Variants in SLC7A6 observed in about 807,000 individuals in gnomAD.
The protein encoded by SLC7A6 is solute carrier family 7 member 6.
A neutral mutation model predicts 46.6 loss-of-function variants in SLC7A6; 29 were observed. The observed-to-expected ratio is 0.62, with a 90% CI of 0.46 to 0.85. The LOEUF (loss-of-function observed/expected upper bound fraction) is 0.85, where lower values mean the gene tolerates loss of function less well. SLC7A6 is among the 40% of genes least tolerant of loss of function. The pLI is 0.00. For synonymous variants in SLC7A6, 276 were observed against 257.3 expected (o/e 1.07, Z -0.70); for missense variants, 527 against 647.6 (o/e 0.81, Z 2.02).
At chr16:68,275,291 G>T in intron 3 of SLC7A6, 42 bp downstream of exon 3, 1 of 1,567,376 alleles carries the variant, frequency 6.4e-7, no homozygotes, top group South Asian at 1.1e-5. Context: ...GGGGGTGGGG[G>T]GTACTATAAT....
At chr16:68,269,753 CAA>C (rs11306082) in intron 2 of SLC7A6, among the ~76,000 whole-genome samples, 227 of 141,686 alleles carry the variant, frequency 1.6e-3, no homozygotes, top group African/African-American at 1.7e-3. Flanking sequence ...GACTCTGTCT[CAA>C]AAAAAAAAAA....
intron 3 of SLC7A6, among the ~76,000 whole-genome samples, chr16:68,281,103 CCA>C (rs1381503175): frequency 3.3e-5 from 5 of 152,178 alleles, no homozygotes; most frequent in Admixed American, 6.5e-5. Flanking sequence ...TGTATTATCC[CCA>C]GACTTTCTTG....
chr16:68,287,903 G>A (rs1489825861), intron 4 of SLC7A6, 32 bp downstream of exon 4: 1 of 1,608,274 alleles, frequency 6.2e-7, no homozygotes, highest in Non-Finnish European at 8.5e-7. Flanking sequence ...ACCACCAACA[G>A]TTCCTCTGGA....
chr16:68,287,269 C>T (rs963847614), intron 3 of SLC7A6: 92 of 1,245,818 alleles, frequency 7.4e-5, no homozygotes, highest in East Asian at 3.9e-4. Context: ...TGAGCCACTG[C>T]ACCTGGCCTC....
rs371032855 is a variant in SLC7A6, at chr16:68,299,519, TC to T, written c.*2192del. ...CTCAAGCTTCATGGTGGAATTAATT[TC>T]TGCCAGCTCTTTGTTGTCTGTCTCC... On this transcript the variant is annotated 3_prime_UTR_variant, in exon 11 of 11. Coordinates refer to ENST00000219343, the MANE Select transcript of SLC7A6 (RefSeq NM_003983.6). 9 of 152,700 alleles carry T rather than the reference TC, an allele frequency of 5.9e-5. No individual in the cohort carries two copies. Among genetic ancestry groups the T allele is most frequent in the African/African-American group, 1.7e-4 (7 of 41,590 alleles). 9.5% of individuals were successfully genotyped at this position (152,700 alleles called of 1,614,324 possible).
intron 4 of SLC7A6, among the ~76,000 whole-genome samples, chr16:68,289,635 A>G (rs1024941036): frequency 2.0e-5 from 3 of 152,194 alleles, no homozygotes; most frequent in African/African-American, 7.2e-5. Flanking sequence ...GTCTTGTTAA[A>G]GACCCCAGTA....
In SLC7A6 at chr16:68,275,179, C is replaced by T; in HGVS notation, c.453C>T (p.Ile151=). The part of the protein sequence containing the change: ...AIIAITFANY[I]IQPSFPSCDP... The stretch of plus-strand genomic sequence containing the variant: ...TCGCCATCACCTTTGCCAACTACAT[C>T]ATCCAGCCGTCCTTCCCCAGCTGTG... The change falls in exon 3 of 11, where the codon ATC becomes ATT. Residue 151 remains isoleucine, a synonymous_variant. Transcript: ENST00000219343. The T allele has an allele frequency of 6.2e-7, 1 of 1,614,026 alleles. No homozygotes were observed. Among genetic ancestry groups the T allele is most frequent in the Middle Eastern group, 1.6e-4 (1 of 6,062 alleles).
At chr16:68,291,188 C>A in intron 5 of SLC7A6, 21 bp from the exon 6 acceptor site, 1 of 1,614,134 alleles carries the variant, frequency 6.2e-7, no homozygotes, top group Non-Finnish European at 8.5e-7. Flanking sequence ...CTAGGTAGTC[C>A]TTTCTCACTT....
rs1013356214 is a variant in SLC7A6, at chr16:68,293,844, T to C, written c.1023-861T>C. Among the ~76,000 whole-genome samples the C allele has an allele frequency of 5.3e-5, 8 of 152,238 alleles. No homozygotes were observed. In the South Asian group the frequency reaches 1.2e-3, roughly 24 times the overall value. ...CCTCAAGCCTAGCGAGTGAGTGTCG[T>C]GTACTCCAAGGTGATGCTGACCATG... On this transcript the variant is annotated intron_variant, in intron 7 of 10. Transcript: ENST00000219343.
At position 68,301,393 on chromosome 16, in the gene SLC7A6, T is replaced by C. The variant is rs1441756445; in HGVS notation, c.*4065T>C. On this transcript the variant is annotated 3_prime_UTR_variant, in exon 11 of 11. Transcript: ENST00000219343. Reference sequence around the variant, plus strand: ...TCTTTCCTCCTCACTCAGGCTGTTGTAGTCAGCAGAGCCTAGAATGACATC... The same window carrying C: ...TCTTTCCTCCTCACTCAGGCTGTTGCAGTCAGCAGAGCCTAGAATGACATC... 6.2e-7 allele frequency: 1 copy of C among 1,614,040 alleles called. No individual in the cohort carries two copies. The highest frequency in any genetic ancestry group is 8.5e-7 in the Non-Finnish European group (1 of 1,179,934).
At chr16:68,291,044 T>C in intron 5 of SLC7A6, 165 bp from the exon 6 acceptor site, 1 of 799,320 alleles carries the variant, frequency 1.3e-6, no homozygotes, top group East Asian at 2.5e-5. Context: ...AAGTTGGGTC[T>C]TTCTCAATAG....
chr16:68,269,746 T>A (rs2042592586), intron 2 of SLC7A6, among the ~76,000 whole-genome samples: 1 of 106,586 alleles, frequency 9.4e-6, no homozygotes, highest in Non-Finnish European at 1.8e-5. Flanking sequence ...AAAGCAAGAC[T>A]CTGTCTCAAA....
At chr16:68,290,351 C>A in intron 4 of SLC7A6, 45 bp from the exon 5 acceptor site, 1 of 1,610,740 alleles carries the variant, frequency 6.2e-7, no homozygotes, top group Non-Finnish European at 8.5e-7. Context: ...TCTCCTTTGG[C>A]CTGTTCCTTC....
intron 7 of SLC7A6, 101 bp downstream of exon 7, chr16:68,291,762 G>GGTT (rs2043055620): frequency 1.1e-5 from 6 of 548,022 alleles, no homozygotes; most frequent in Non-Finnish European, 1.6e-5. Flanking sequence ...GGGCATATAG[G>GGTT]GTGTGTGTGT....
At chr16:68,268,977 A>G (rs932768513) in intron 2 of SLC7A6, among the ~76,000 whole-genome samples, 16 of 152,140 alleles carry the variant, frequency 1.1e-4, no homozygotes, top group Non-Finnish European at 1.8e-4. Flanking sequence ...ATTGCACTCC[A>G]GCGTGGGCAA....
At chr16:68,292,413 G>A (rs2043076163) in intron 7 of SLC7A6, 1 of 152,190 alleles carries the variant, frequency 6.6e-6, no homozygotes, top group Admixed American at 6.5e-5. Context: ...TCTTTGGTGG[G>A]TGCTCACTTG....
intron 3 of SLC7A6, among the ~76,000 whole-genome samples, chr16:68,285,443 T>C (rs970254543): frequency 6.6e-6 from 1 of 152,208 alleles, no homozygotes; most frequent in African/African-American, 2.4e-5. Flanking sequence ...CAGGTAGCTT[T>C]GATCATCAGG....
At chr16:68,296,318 G>A (rs200897160) in intron 8 of SLC7A6, 46 bp from the exon 9 acceptor site, 42 of 1,609,342 alleles carry the variant, frequency 2.6e-5, no homozygotes, top group Middle Eastern at 1.7e-4. Context: ...TCCTGGGGGC[G>A]CAGGTGGTGA....
chr16:68,293,536 C>T (rs961210145), intron 7 of SLC7A6, among the ~76,000 whole-genome samples: 1 of 152,220 alleles, frequency 6.6e-6, no homozygotes, highest in African/African-American at 2.4e-5. Context: ...AGTTTGCTCT[C>T]CAGTCTGGTG....
Sources: gnomAD v4.1 joint callset for allele counts (sites outside exome capture counted in the v4.1 genomes callset) on GRCh38, gnomAD v4.1.1 for gene constraint, MANE v1.5 for transcripts, NCBI Gene and HGNC (gene_info 2026-07-23, HGNC 2026-07-21) for gene names.